CHD2: variants seen among roughly 807,000 people sequenced by gnomAD.
CHD2 encodes chromodomain helicase DNA binding protein 2.
A neutral mutation model predicts 243.9 loss-of-function variants in CHD2; 28 were observed. The ratio of observed to expected loss-of-function variants is 0.11; its 90% confidence interval spans 0.09 to 0.16. The LOEUF (loss-of-function observed/expected upper bound fraction) is 0.16, where lower values mean the gene tolerates loss of function less well. CHD2 is among the 10% of genes least tolerant of loss of function. CHD2 has a pLI of 1.00. For missense variants in CHD2, 1,386 were observed against 2,209.8 expected (o/e 0.63, Z 7.47); for synonymous variants, 775 against 779.0 (o/e 0.99, Z 0.09).
chr15:92,957,930 T>C (rs187004496), intron 16 of CHD2, among the ~76,000 whole-genome samples: 4 of 152,306 alleles, frequency 2.6e-5, no homozygotes, highest in Admixed American at 2.6e-4. Context: ...TAGGCTTTTG[T>C]TTCCGGCTTC....
At chr15:93,016,190 C>A (rs2054458168) in intron 37 of CHD2, among the ~76,000 whole-genome samples, 2 of 152,154 alleles carry the variant, frequency 1.3e-5, no homozygotes, top group South Asian at 4.1e-4. Flanking sequence ...GAAGGAAATC[C>A]TGTCGTTCGC....
intron 17 of CHD2, among the ~76,000 whole-genome samples, chr15:92,969,116 A>G (rs942433343): frequency 6.6e-6 from 1 of 152,266 alleles, no homozygotes; most frequent in Non-Finnish European, 1.5e-5. Context: ...TAGTAACAAC[A>G]TGAATGTGTC....
chr15:92,988,961 T>TAG (rs2054080459), intron 26 of CHD2, among the ~76,000 whole-genome samples: 2 of 152,020 alleles, frequency 1.3e-5, no homozygotes, highest in East Asian at 3.9e-4. Context: ...GCCTACATGC[T>TAG]AGACTTCCTT....
rs773494227 is a variant in CHD2, at chr15:92,946,104, A to G, written c.1265A>G (p.Tyr422Cys). The part of the protein sequence containing the change: ...EYLCKWMGLP[Y>C]SECSWEDEAL... ...CTATGTAAATGGATGGGACTCCCCTATTCAGAGTGTAGCTGGGAAGATGAA... is the reference window on the plus strand; with the variant it reads ...CTATGTAAATGGATGGGACTCCCCTGTTCAGAGTGTAGCTGGGAAGATGAA... Residue 422 changes from tyrosine (Y) to cysteine (C), a missense_variant, in exon 12 of 39, where the codon TAT (tyrosine) becomes TGT (cysteine). Around this residue, in one of 19 missense-constraint regions of CHD2, gnomAD observed 200 missense variants for 292.5 expected, o/e 0.68. Coordinates refer to ENST00000394196, the MANE Select transcript of CHD2 (RefSeq NM_001271.4). 6.2e-7 allele frequency: 1 copy of G among 1,613,128 alleles called. No homozygotes were observed. The highest frequency in any genetic ancestry group is 8.5e-7 in the Non-Finnish European group (1 of 1,179,294).
At chr15:92,969,199 C>T (rs1266149147) in intron 17 of CHD2, among the ~76,000 whole-genome samples, 2 of 152,196 alleles carry the variant, frequency 1.3e-5, no homozygotes, top group Non-Finnish European at 2.9e-5. Context: ...TTCCAGTTTA[C>T]TTAAGTTGAT....
At chr15:92,955,177 T>G (rs1408492050) in intron 14 of CHD2, among the ~76,000 whole-genome samples, 1 of 152,202 alleles carries the variant, frequency 6.6e-6, no homozygotes, top group Non-Finnish European at 1.5e-5. Flanking sequence ...TAGATGTATT[T>G]CTGGGGGCCA....
At chr15:92,970,452 C>A (rs545679037) in intron 17 of CHD2, among the ~76,000 whole-genome samples, 1 of 152,154 alleles carries the variant, frequency 6.6e-6, no homozygotes, top group South Asian at 2.1e-4. Flanking sequence ...CTGCCCCCTT[C>A]GGCCTCCCAA....
At chr15:92,917,207 A>C (rs1456993941) in intron 2 of CHD2, among the ~76,000 whole-genome samples, 1 of 152,232 alleles carries the variant, frequency 6.6e-6, no homozygotes, top group East Asian at 1.9e-4. Flanking sequence ...CTGAAGAAGC[A>C]CAGGACTTGA....
At chr15:92,924,863 C>G (rs182018882) in intron 3 of CHD2, among the ~76,000 whole-genome samples, 1 of 152,138 alleles carries the variant, frequency 6.6e-6, no homozygotes, top group Non-Finnish European at 1.5e-5. Context: ...CGCAGTGGCA[C>G]GATCTTGGCT....
chr15:92,998,540 G>T lies in CHD2; in HGVS notation c.3927G>T (p.Gln1309His), dbSNP rs938005096. 6.2e-7 allele frequency: 1 copy of T among 1,613,978 alleles called. No homozygotes were observed. ...CAGATAAAAAGCCTCAGGGGAAGCA[G>T]CTACAGACCCGAGCGGATTACTTGT... The part of the protein sequence containing the change: ...VETDKKPQGK[Q>H]LQTRADYLLK... Residue 1309 changes from glutamine to histidine, a missense_variant, in exon 31 of 39, where the codon CAG becomes CAT. By Grantham distance (24) the Gln-to-His change is conservative (BLOSUM62 0). This residue lies in a region of CHD2 where 99 missense variants were observed against 176.9 expected (regional missense o/e 0.56). Transcript: ENST00000394196. The surrounding 1 kb of genome is among the most constrained non-coding windows in gnomAD (Gnocchi z 5.1).
intron 2 of CHD2, among the ~76,000 whole-genome samples, chr15:92,918,826 TATATATACATACAC>T (rs2052894633): frequency 2.0e-5 from 3 of 151,488 alleles, no homozygotes; most frequent in Non-Finnish European, 4.4e-5. Flanking sequence ...CACATATACA[TATATATACATACAC>T]ACATATATAT....
intron 2 of CHD2, among the ~76,000 whole-genome samples, chr15:92,908,187 C>T (rs927550517): frequency 1.8e-4 from 28 of 151,658 alleles, no homozygotes; most frequent in Non-Finnish European, 3.2e-4. Context: ...TCCTCTGTCT[C>T]ATTTCCCCTC....
At chr15:92,967,187 T>G in intron 16 of CHD2, 138 bp from the exon 17 acceptor site, 1 of 600,098 alleles carries the variant, frequency 1.7e-6, no homozygotes, top group Non-Finnish European at 2.8e-6. Context: ...TTTCCCCTTT[T>G]TGTTTTCCCT....
intron 2 of CHD2, among the ~76,000 whole-genome samples, chr15:92,908,162 T>G (rs918259348): frequency 1.3e-5 from 2 of 151,860 alleles, no homozygotes; most frequent in Non-Finnish European, 2.9e-5. Flanking sequence ...AGCTGATAAT[T>G]ATTACCCTGG....
chr15:92,948,333 GAT>G (rs780209254), intron 12 of CHD2, among the ~76,000 whole-genome samples: 4 of 152,158 alleles, frequency 2.6e-5, no homozygotes, highest in Non-Finnish European at 4.4e-5. Flanking sequence ...ATAACAGAAA[GAT>G]AGTTGTTTCT....
intron 2 of CHD2, chr15:92,904,476 G>A: frequency 1.0e-6 from 1 of 989,820 alleles, no homozygotes; most frequent in Non-Finnish European, 1.2e-6. Context: ...CCTACCCAGG[G>A]AGCCGCACGC....
intron 5 of CHD2, among the ~76,000 whole-genome samples, chr15:92,935,668 C>T (rs2053254018): frequency 6.6e-6 from 1 of 152,222 alleles, no homozygotes; most frequent in South Asian, 2.1e-4. Flanking sequence ...AGGGAGACTG[C>T]AGACTCATGC....
In CHD2 at chr15:92,984,368, A is replaced by G. The variant is rs2141850588; in HGVS notation, c.3105A>G (p.Leu1035=). The G allele has an allele frequency of 6.2e-7, 1 of 1,603,700 alleles. No individual in the cohort carries two copies. Among genetic ancestry groups the G allele is most frequent in the East Asian group, 2.2e-5 (1 of 44,582 alleles). The change falls in exon 25 of 39, where the codon CTA becomes CTG. Residue 1035 remains leucine (L), a synonymous_variant. Coordinates refer to ENST00000394196, the MANE Select transcript of CHD2 (RefSeq NM_001271.4). ...NFATMEDEEE[L]EERPHKDWDE... ...CAACAATGGAAGATGAAGAAGAGCT[A>G]GAAGAGCGTCCTCACAAGGACTGGG...
Position 92,997,578 on chromosome 15 carries a change from A to G in CHD2, c.3885+175A>G, listed in dbSNP as rs2054203261. ...TGGCACTGTTTCACGGATGAAGATA[A>G]AGGGAAAAGACAGTAGCCAGGTGAA... is the stretch of plus-strand genomic sequence containing the variant. On this transcript the variant is annotated intron_variant, in intron 30 of 38. Coordinates refer to ENST00000394196, the MANE Select transcript of CHD2 (RefSeq NM_001271.4). The surrounding 1 kb of genome is among the most constrained non-coding windows in gnomAD (Gnocchi z 4.1). The G allele has an allele frequency of 1.8e-6, 1 of 547,426 alleles. No homozygotes were observed. The highest frequency in any genetic ancestry group is 2.0e-5 in the African/African-American group (1 of 50,700). The allele number at this position is 547,426 out of a possible 1,614,324, so 33.9% of individuals were successfully genotyped here. A position where few individuals can be genotyped will look rare whatever the true frequency, so the allele number is the denominator to read the frequency against.
Sources: allele counts gnomAD v4.1 joint callset (sites outside exome capture counted in the v4.1 genomes callset), GRCh38; gene constraint gnomAD v4.1.1; regional missense constraint gnomAD v4.1.1; non-coding constraint Gnocchi (gnomAD v3.1); transcripts MANE v1.5; gene names NCBI Gene and HGNC (gene_info 2026-07-23, HGNC 2026-07-21).